ZMYND19: variants seen among roughly 807,000 people sequenced by gnomAD.
ZMYND19 encodes zinc finger MYND domain-containing protein 19.
ZMYND19 carries 17 observed loss-of-function variants against 32.0 expected under a neutral mutation model. The observed-to-expected ratio is 0.53, with a 90% confidence interval of 0.36 to 0.80. The LOEUF (loss-of-function observed/expected upper bound fraction) is 0.80. Among genes scored for constraint, ZMYND19 ranks in the 30% least tolerant of loss-of-function variants. The probability of loss-of-function intolerance (pLI) is 0.00; values close to 1 mark genes in which losing one functional copy is unlikely to be tolerated. For synonymous variants in ZMYND19, 124 were observed against 113.6 expected (o/e 1.09, Z -0.58); for missense variants, 250 against 293.6 (o/e 0.85, Z 1.09).
chr9:137,583,132 G>C lies in ZMYND19; in HGVS notation c.391C>G (p.Gln131Glu), dbSNP rs1842166554. ...TCTTCTATAGGGTCTGTAGGCAGCT[G>C]CTGAATTGCAAGCCAATACAAGCTT... ...EQSLYWLAIQ[Q>E]LPTDPIEEQF... is the part of the protein sequence containing the mutation. The change falls in exon 5 of 6, where the codon CAG (glutamine) becomes GAG (glutamate). Residue 131 changes from glutamine to glutamate, a missense_variant. Physicochemically the swap from Gln to Glu is conservative, Grantham distance 29 (BLOSUM62 2). Transcript: ENST00000298585. 1.2e-6 allele frequency: 2 copies of C among 1,614,064 alleles called. No homozygotes were observed. Among genetic ancestry groups the C allele is most frequent in the Non-Finnish European group, 8.5e-7 (1 of 1,179,994 alleles).
rs138505846 is a variant in ZMYND19 at position 137,583,136 on chromosome 9, A to G, written c.387T>C (p.Ile129=). Residue 129 remains isoleucine, a synonymous_variant, in exon 5 of 6, where the codon ATT becomes ATC. Transcript: ENST00000298585. ...CTATAGGGTCTGTAGGCAGCTGCTG[A>G]ATTGCAAGCCAATACAAGCTTTGCT... ...QREQSLYWLA[I]QQLPTDPIEE... is the part of the protein sequence containing the mutation. 16 of 1,614,092 alleles carry G rather than the reference A, an allele frequency of 9.9e-6. No homozygotes were observed. The highest frequency in any genetic ancestry group is 1.3e-5 in the Non-Finnish European group (15 of 1,180,004).
Position 137,582,419 on chromosome 9 carries a change from T to C in ZMYND19, c.*124A>G. The C allele has an allele frequency of 7.2e-7, 1 of 1,387,540 alleles. No individual in the cohort carries two copies. The highest frequency in any genetic ancestry group is 9.7e-7 in the Non-Finnish European group (1 of 1,034,592). 86.0% of individuals were successfully genotyped at this position (1,387,540 alleles called of 1,614,324 possible). A position where few individuals can be genotyped will look rare whatever the true frequency, so the allele number is the denominator to read the frequency against. On this transcript the variant is annotated 3_prime_UTR_variant, in exon 6 of 6. Coordinates refer to ENST00000298585, the MANE Select transcript of ZMYND19 (RefSeq NM_138462.3). Reference sequence around the variant, plus strand: ...CAGACTGCCTGTGACATCGGGAGTCTCACGGCAGCTGTCCTGGGCCCGCAG... The same window carrying C: ...CAGACTGCCTGTGACATCGGGAGTCCCACGGCAGCTGTCCTGGGCCCGCAG...
chr9:137,586,669 G>A (rs915528495), intron 4 of ZMYND19, among the ~76,000 whole-genome samples: 1 of 152,184 alleles, frequency 6.6e-6, no homozygotes, highest in African/African-American at 2.4e-5. Context: ...GAGTCCCGAC[G>A]CTGGCCCTGC....
intron 4 of ZMYND19, among the ~76,000 whole-genome samples, chr9:137,585,054 G>A (rs892133617): frequency 4.6e-5 from 7 of 152,190 alleles, no homozygotes; most frequent in African/African-American, 1.7e-4. Context: ...CAAGCAGTAT[G>A]AGGAAGGTCA....
At chr9:137,587,224 A>T (rs1842215949) in intron 3 of ZMYND19, 117 bp from the exon 4 acceptor site, 1 of 1,492,458 alleles carries the variant, frequency 6.7e-7, no homozygotes. Flanking sequence ...ATGTGATCTG[A>T]TCGGGCCCCT....
chr9:137,587,854 A>C (rs774379698), intron 2 of ZMYND19, 31 bp from the exon 3 acceptor site: 1 of 1,599,466 alleles, frequency 6.3e-7, no homozygotes, highest in African/African-American at 1.3e-5. Context: ...GAGCTGTTAA[A>C]AAACCTCCAA....
intron 4 of ZMYND19, among the ~76,000 whole-genome samples, chr9:137,585,943 G>A (rs955890441): frequency 3.9e-5 from 6 of 152,380 alleles, no homozygotes; most frequent in East Asian, 3.9e-4. Context: ...GCCCCAGGGC[G>A]CCAGGGGAAC....
chr9:137,584,341 G>A (rs1428497300), intron 4 of ZMYND19, among the ~76,000 whole-genome samples: 2 of 152,264 alleles, frequency 1.3e-5, no homozygotes, highest in African/African-American at 4.8e-5. Context: ...CAGAGAATGG[G>A]CATCCTGCCG....
Position 137,582,661 on chromosome 9 carries a change from C to T in ZMYND19, c.566G>A (p.Arg189His), listed in dbSNP as rs1198312514. ...KQLREFNICG[R>H]CQVARYCGSQ... ...GCCGCAGTACCGGGCCACCTGGCAG[C>T]GCCCACAGATGTTGAACTCCCGGAG... Residue 189 changes from arginine to histidine, a missense_variant, in exon 6 of 6, where the codon CGC becomes CAC. Physicochemically the swap from Arg to His is conservative, Grantham distance 29. Around this residue, in one of 2 missense-constraint regions of ZMYND19, gnomAD observed 38 missense variants for 74.9 expected, o/e 0.51. Coordinates refer to ENST00000298585, the MANE Select transcript of ZMYND19 (RefSeq NM_138462.3). 2.5e-6 allele frequency: 4 copies of T among 1,613,018 alleles called. No homozygotes were observed. Among genetic ancestry groups the T allele is most frequent in the African/African-American group, 1.3e-5 (1 of 74,948 alleles).
chr9:137,585,467 A>C (rs552224494), intron 4 of ZMYND19, among the ~76,000 whole-genome samples: 223 of 151,878 alleles, frequency 1.5e-3, no homozygotes, highest in African/African-American at 5.2e-3. Context: ...TGAAGCCAGG[A>C]GTTCAAGAAC....
rs1008599813 is a variant in ZMYND19, at chr9:137,587,120, A to G, written c.219-13T>C. 1 of 1,601,512 alleles carries G rather than the reference A, an allele frequency of 6.2e-7. No individual in the cohort carries two copies. Among genetic ancestry groups the G allele is most frequent in the Non-Finnish European group, 8.5e-7 (1 of 1,179,774 alleles). ...CCGGTGCCGCTCCCTAGAAACAGAC[A>G]GCAAACCCTGCATCTAACCCTGCAT... On this transcript the variant is annotated splice_polypyrimidine_tract_variant and intron_variant, in intron 3 of 5. Coordinates refer to ENST00000298585, the MANE Select transcript of ZMYND19 (RefSeq NM_138462.3).
At chr9:137,589,068 G>C (rs1464650873) in intron 1 of ZMYND19, 3 of 255,420 alleles carry the variant, frequency 1.2e-5, no homozygotes, top group East Asian at 8.4e-5. Flanking sequence ...TGAGCTGAGG[G>C]AGGGGCCGGG....
At chr9:137,585,630 G>C (rs974710649) in intron 4 of ZMYND19, among the ~76,000 whole-genome samples, 2 of 152,146 alleles carry the variant, frequency 1.3e-5, no homozygotes, top group African/African-American at 4.8e-5. Context: ...GGATGGGGGG[G>C]GATTTGTAGG....
chr9:137,588,621 C>A (rs759757533), intron 2 of ZMYND19, 38 bp downstream of exon 2: 10 of 1,612,336 alleles, frequency 6.2e-6, no homozygotes, highest in Non-Finnish European at 8.5e-6. Context: ...GGGCACTGAC[C>A]ACGAGCATCA....
chr9:137,584,233 G>C (rs1343025270), intron 4 of ZMYND19, among the ~76,000 whole-genome samples: 1 of 152,218 alleles, frequency 6.6e-6, no homozygotes, highest in African/African-American at 2.4e-5. Context: ...ACCAAAGATG[G>C]CTGAGCCTGA....
At chr9:137,586,007 C>A (rs1010330364) in intron 4 of ZMYND19, among the ~76,000 whole-genome samples, 1 of 152,236 alleles carries the variant, frequency 6.6e-6, no homozygotes, top group African/African-American at 2.4e-5. Context: ...GGGCTCCCAA[C>A]CCCTATCCTG....
chr9:137,588,773 A>G, intron 1 of ZMYND19, 55 bp from the exon 2 acceptor site: 1 of 1,602,984 alleles, frequency 6.2e-7, no homozygotes, highest in South Asian at 1.1e-5. Context: ...CGTGAGGTGC[A>G]GTAACCTTAT....
chr9:137,589,370 G>A, intron 1 of ZMYND19: 3 of 985,428 alleles, frequency 3.0e-6, no homozygotes, highest in Non-Finnish European at 2.4e-6. Flanking sequence ...CTCCCTCTTG[G>A]CAGTTTTTCT....
In ZMYND19 at chr9:137,590,029, C is replaced by T; in HGVS notation, c.51+184G>A. 1.0e-6 allele frequency: 1 copy of T among 984,902 alleles called. No homozygotes were observed. The highest frequency in any genetic ancestry group is 1.2e-6 in the Non-Finnish European group (1 of 829,712). The allele number at this position is 984,902 out of a possible 1,614,324, so 61.0% of individuals were successfully genotyped here. A position where few individuals can be genotyped will look rare whatever the true frequency, so the allele number is the denominator to read the frequency against. ...AGCCGAGGGGTGCGTGCCCGCCGGC[C>T]TGCGAGAGGAAGCTGCACCCGCGCG... On this transcript the variant is annotated intron_variant, in intron 1 of 5. Transcript: ENST00000298585. The surrounding 1 kb of genome is among the most constrained non-coding windows in gnomAD (Gnocchi z 4.2).
Sources: allele counts gnomAD v4.1 joint callset (sites outside exome capture counted in the v4.1 genomes callset), GRCh38; gene constraint gnomAD v4.1.1; regional missense constraint gnomAD v4.1.1; non-coding constraint Gnocchi (gnomAD v3.1); transcripts MANE v1.5; gene names NCBI Gene and HGNC (gene_info 2026-07-23, HGNC 2026-07-21).